Variants in CORO2B observed in about 807,000 individuals in gnomAD.
CORO2B encodes the protein coronin-2B.
In CORO2B, 26 loss-of-function variants were observed where a neutral mutation model predicts 58.8. The observed-to-expected ratio is 0.44, with a 90% CI of 0.32 to 0.61. The LOEUF (loss-of-function observed/expected upper bound fraction) is 0.61, where lower values mean the gene tolerates loss of function less well. Among genes scored for constraint, CORO2B ranks in the 20% least tolerant of loss-of-function variants. CORO2B has a pLI of 0.04. For missense variants in CORO2B, 460 were observed against 645.1 expected (o/e 0.71, Z 3.11); for synonymous variants, 242 against 253.8 (o/e 0.95, Z 0.44).
chr15:68,714,704 G>A lies in CORO2B; in HGVS notation c.870+41G>A, dbSNP rs1490825863. 3 of 1,490,644 alleles carry A rather than the reference G, an allele frequency of 2.0e-6. No individual in the cohort carries two copies. The African/African-American group carries it at 4.1e-5, about 21-fold the overall frequency. 92.3% of individuals were successfully genotyped at this position (1,490,644 alleles called of 1,614,324 possible). On this transcript the variant is annotated intron_variant, in intron 7 of 11. Transcript: ENST00000261861. ...GGAGGGCCCGGGGCAGCCTGTGGGA[G>A]AGCCCTACCCTCAATGCACCCCTGC... is the stretch of plus-strand genomic sequence containing the variant.
At chr15:68,596,566 G>T (rs1899835104) in intron 1 of CORO2B, among the ~76,000 whole-genome samples, 1 of 152,140 alleles carries the variant, frequency 6.6e-6, no homozygotes, top group Non-Finnish European at 1.5e-5. Flanking sequence ...CTCCCATAAG[G>T]CTGGCCTGTG....
chr15:68,715,682 G>A (rs79081428), intron 8 of CORO2B, among the ~76,000 whole-genome samples: 2,868 of 152,266 alleles, frequency 0.019, 92 homozygotes, highest in African/African-American at 0.064. Flanking sequence ...CTAGGAAGCC[G>A]TGACTCCCAG....
At chr15:68,573,605 G>A in the CORO2B span, among the ~76,000 whole-genome samples, 2 of 152,110 alleles carry the variant, frequency 1.3e-5, no homozygotes, top group African/African-American at 4.8e-5. Context: ...GGTGGGAGCT[G>A]AGGCATGTGG....
intron 1 of CORO2B, among the ~76,000 whole-genome samples, chr15:68,588,184 T>A (rs1436309339): frequency 6.6e-6 from 1 of 152,218 alleles, no homozygotes; most frequent in Admixed American, 6.5e-5. Flanking sequence ...CCCTCAGATT[T>A]AGGCAGTTCC....
the CORO2B span, among the ~76,000 whole-genome samples, chr15:68,565,689 A>G: frequency 6.6e-6 from 1 of 152,140 alleles, no homozygotes; most frequent in Non-Finnish European, 1.5e-5. Context: ...CAGTTGCTCT[A>G]GGAGGGCCAC....
chr15:68,535,393 A>C, the CORO2B span, among the ~76,000 whole-genome samples: 1 of 152,142 alleles, frequency 6.6e-6, no homozygotes, highest in Admixed American at 6.5e-5. Flanking sequence ...TTTTTAATCT[A>C]TAAAATGAGA....
chr15:68,712,731 A>T (rs1174647302), intron 5 of CORO2B, among the ~76,000 whole-genome samples: 1 of 152,136 alleles, frequency 6.6e-6, no homozygotes, highest in Non-Finnish European at 1.5e-5. Flanking sequence ...TTTAATCCTC[A>T]GGACAACCCT....
At chr15:68,671,275 A>C (rs1171712843) in intron 2 of CORO2B, among the ~76,000 whole-genome samples, 2 of 151,588 alleles carry the variant, frequency 1.3e-5, no homozygotes, top group African/African-American at 2.4e-5. Flanking sequence ...TTTTTTTCCT[A>C]CTTTCTTAAA....
chr15:68,712,519 T>C (rs1228408804), intron 5 of CORO2B, among the ~76,000 whole-genome samples: 1 of 152,174 alleles, frequency 6.6e-6, no homozygotes, highest in East Asian at 1.9e-4. Context: ...AACTAGTAGG[T>C]ATAATGTGAA....
intron 11 of CORO2B, among the ~76,000 whole-genome samples, chr15:68,720,772 C>A (rs1893141406): frequency 6.6e-6 from 1 of 152,238 alleles, no homozygotes; most frequent in Admixed American, 6.5e-5. Flanking sequence ...TATCCCACCA[C>A]TTCTGCCCTA....
the CORO2B span, among the ~76,000 whole-genome samples, chr15:68,529,573 C>T: frequency 6.6e-6 from 1 of 151,390 alleles, no homozygotes; most frequent in South Asian, 2.1e-4. Flanking sequence ...CTAGTTATGC[C>T]TCCTCTTTCA....
At chr15:68,575,424 GCCT>G (rs1899261659), upstream of CORO2B, among the ~76,000 whole-genome samples, 1 of 80,824 alleles carries the variant, frequency 1.2e-5, no homozygotes, top group Non-Finnish European at 2.6e-5. Flanking sequence ...TGCAACCTCC[GCCT>G]CCCAAGTTCA....
chr15:68,691,255 G>C (rs1404539919), intron 2 of CORO2B, among the ~76,000 whole-genome samples: 3 of 148,640 alleles, frequency 2.0e-5, no homozygotes, highest in African/African-American at 2.5e-5. Flanking sequence ...CGTGAACCCC[G>C]GGGGGCAGAG....
chr15:68,572,697 G>A, the CORO2B span, among the ~76,000 whole-genome samples: 6 of 152,272 alleles, frequency 3.9e-5, no homozygotes, highest in East Asian at 1.2e-3. Flanking sequence ...AACTGAGGCT[G>A]GTTTGGGGCC....
At chr15:68,526,420 C>T in the CORO2B span, among the ~76,000 whole-genome samples, 1 of 152,304 alleles carries the variant, frequency 6.6e-6, no homozygotes, top group East Asian at 1.9e-4. Context: ...GGATTGTCAG[C>T]TTTTAAATAC....
intron 1 of CORO2B, among the ~76,000 whole-genome samples, chr15:68,624,548 T>C (rs147361419): frequency 6.7e-4 from 102 of 152,276 alleles, no homozygotes; most frequent in Non-Finnish European, 9.0e-4. Flanking sequence ...CTAAAACTAA[T>C]ATATGATGTA....
intron 2 of CORO2B, among the ~76,000 whole-genome samples, chr15:68,647,861 A>AC (rs921744197): frequency 2.7e-5 from 4 of 149,494 alleles, no homozygotes; most frequent in Non-Finnish European, 5.9e-5. Context: ...ACAAATTAAA[A>AC]AAAAAAAAAA....
the CORO2B span, among the ~76,000 whole-genome samples, chr15:68,560,248 C>T: frequency 6.6e-6 from 1 of 152,016 alleles, no homozygotes; most frequent in Non-Finnish European, 1.5e-5. Context: ...CTTTCTTTCT[C>T]TTTCTTTTTT....
At chr15:68,584,001 T>G (rs552735480) in intron 1 of CORO2B, among the ~76,000 whole-genome samples, 1 of 152,316 alleles carries the variant, frequency 6.6e-6, no homozygotes, top group East Asian at 1.9e-4. Flanking sequence ...TAGCAGTCAT[T>G]CGTTCATTTA....
Sources: gnomAD v4.1 joint callset for allele counts (sites outside exome capture counted in the v4.1 genomes callset) on GRCh38, gnomAD v4.1.1 for gene constraint, MANE v1.5 for transcripts, NCBI Gene and HGNC (gene_info 2026-07-23, HGNC 2026-07-21) for gene names.